JRK: variants seen among roughly 807,000 people sequenced by gnomAD.
JRK encodes jerky protein homolog.
For synonymous variants in JRK, 303 were observed against 218.1 expected (o/e 1.39, Z -3.43); for missense variants, 720 against 509.2 (o/e 1.41, Z -3.98).
rs782489447 is a variant in JRK, at chr8:142,665,922, T to C, written c.137A>G (p.Asn46Ser). Residue 46 changes from asparagine to serine, a missense_variant, in exon 2 of 2, where the codon AAT (asparagine) becomes AGT (serine). Coordinates refer to ENST00000612905, the MANE Select transcript of JRK (RefSeq NM_003724.4). ...ESRKALMQEY[N>S]VGMSTLYDIR... ...GTCGTAGAGGGTGGACATGCCCACA[T>C]TGTACTCCTGCATCAGTGCCTTCCG... 1.8e-5 allele frequency: 15 copies of C among 811,398 alleles called. No individual in the cohort carries two copies. The highest frequency in any genetic ancestry group is 1.7e-4 in the African/African-American group (10 of 59,664). The allele number at this position is 811,398 out of a possible 1,614,324, so 50.3% of individuals were successfully genotyped here. A position where few individuals can be genotyped will look rare whatever the true frequency, so the allele number is the denominator to read the frequency against.
intron 1 of JRK, among the ~76,000 whole-genome samples, chr8:142,667,400 C>T (rs902666858): frequency 4.6e-5 from 7 of 151,808 alleles, no homozygotes; most frequent in East Asian, 3.9e-4. Context: ...ACGGCAGGGC[C>T]GCAGAGCCTG....
Position 142,660,138 on chromosome 8 carries a change from G to C in JRK, c.*4214C>G. 1.0e-6 allele frequency: 1 copy of C among 985,508 alleles called. No homozygotes were observed. Among genetic ancestry groups the C allele is most frequent in the Non-Finnish European group, 1.2e-6 (1 of 830,038 alleles). The allele number at this position is 985,508 out of a possible 1,614,324, so 61.0% of individuals were successfully genotyped here. A position where few individuals can be genotyped will look rare whatever the true frequency, so the allele number is the denominator to read the frequency against. ...GGAAGAGGACAAACAAGGTCTCACA[G>C]GTCCATTCTCCCCAGCCTCCCAGTA... On this transcript the variant is annotated 3_prime_UTR_variant, in exon 2 of 2. Transcript: ENST00000612905.
rs781858612 is a variant in JRK at position 142,664,735 on chromosome 8, C to T, written c.1324G>A (p.Val442Ile). The T allele has an allele frequency of 4.1e-5, 66 of 1,599,544 alleles. No individual in the cohort carries two copies. The highest frequency in any genetic ancestry group is 2.9e-4 in the Admixed American group (17 of 57,988). ...CCCCCTTCTGCCTCCCTTCCCGCTA[C>T]CCCCCAGCTGGCGGCCTGGCGCTGG... ...LRQRQAASWGVAGREAEGGRP... is the reference protein window; with the variant it reads ...LRQRQAASWGIAGREAEGGRP... The change falls in exon 2 of 2, where the codon GTA becomes ATA. Residue 442 changes from valine (V) to isoleucine (I), a missense_variant. Coordinates refer to ENST00000612905, the MANE Select transcript of JRK (RefSeq NM_003724.4).
rs782178126 is a variant in JRK, at chr8:142,664,935, C to T, written c.1124G>A (p.Ser375Asn). The T allele has an allele frequency of 4.6e-6, 4 of 862,910 alleles. No homozygotes were observed. The South Asian group carries it at 5.4e-5, about 12-fold the overall frequency. 53.5% of individuals were successfully genotyped at this position (862,910 alleles called of 1,614,324 possible). ...SVACAWNAVP[S>N]HVFRRAWRKL... Reference sequence around the variant, plus strand: ...CCTCCAGGCCCGCCTGAAGACGTGGCTAGGGACTGCGTTCCAGGCACAGGC... The same window carrying T: ...CCTCCAGGCCCGCCTGAAGACGTGGTTAGGGACTGCGTTCCAGGCACAGGC... Residue 375 changes from serine (S) to asparagine (N), a missense_variant, in exon 2 of 2, where the codon AGC becomes AAC. Physicochemically the swap from Ser to Asn is conservative, Grantham distance 46. Transcript: ENST00000612905.
the JRK span, among the ~76,000 whole-genome samples, chr8:142,646,876 C>A: frequency 6.6e-6 from 1 of 152,152 alleles, no homozygotes; most frequent in Non-Finnish European, 1.5e-5. Context: ...ATTCCTAAGA[C>A]CTCCTTTTTT....
rs587620163 is a variant in JRK at position 142,659,468 on chromosome 8, G to A, written c.*4884C>T. 14 of 986,564 alleles carry A rather than the reference G, an allele frequency of 1.4e-5. No individual in the cohort carries two copies. In the South Asian group the frequency reaches 6.6e-4, roughly 46 times the overall value. 61.1% of individuals were successfully genotyped at this position (986,564 alleles called of 1,614,324 possible). A position where few individuals can be genotyped will look rare whatever the true frequency, so the allele number is the denominator to read the frequency against. Reference sequence around the variant, plus strand: ...AGCTTGCTTCCCAGCCAGCCTGGGTGTGGAAATGGCCGTGCTGACAGGCTC... The same window carrying A: ...AGCTTGCTTCCCAGCCAGCCTGGGTATGGAAATGGCCGTGCTGACAGGCTC... On this transcript the variant is annotated 3_prime_UTR_variant, in exon 2 of 2. Transcript: ENST00000612905.
Position 142,664,274 on chromosome 8 carries a change from G to A in JRK, c.*78C>T. The A allele has an allele frequency of 2.1e-6, 3 of 1,461,076 alleles. No individual in the cohort carries two copies. The South Asian group carries it at 4.4e-5, about 22-fold the overall frequency. 90.5% of individuals were successfully genotyped at this position (1,461,076 alleles called of 1,614,324 possible). ...TGCACATGCCCTCCTGCCTCAGGTG[G>A]GGTCGGGGCACAGGACCATGCCACT... On this transcript the variant is annotated 3_prime_UTR_variant, in exon 2 of 2. Transcript: ENST00000612905.
In JRK at chr8:142,665,750, C is replaced by A; in HGVS notation, c.309G>T (p.Glu103Asp). ...GCATGGGGCCTGACACGGGGACGCC[C>A]TCGGAGCGCTTCCCCAGGAACCACT... ...LYEWFLGKRS[E>D]GVPVSGPMLI... Residue 103 changes from glutamate to aspartate, a missense_variant, in exon 2 of 2, where the codon GAG (glutamate) becomes GAT (aspartate). Transcript: ENST00000612905. The A allele has an allele frequency of 1.3e-6, 1 of 774,564 alleles. No homozygotes were observed. The allele number at this position is 774,564 out of a possible 1,614,324, so 48.0% of individuals were successfully genotyped here. A position where few individuals can be genotyped will look rare whatever the true frequency, so the allele number is the denominator to read the frequency against.
In JRK at chr8:142,665,032, A is replaced by T. The variant is rs1554635486; in HGVS notation, c.1027T>A (p.Phe343Ile). The change falls in exon 2 of 2, where the codon TTC becomes ATC. Residue 343 changes from phenylalanine to isoleucine, a missense_variant. Phe to Ile is a conservative substitution (Grantham distance 21, BLOSUM62 0). Coordinates refer to ENST00000612905, the MANE Select transcript of JRK (RefSeq NM_003724.4). Reference sequence around the variant, plus strand: ...TGCAGGGGGACCGGAGGGTTAATGAAGTTCCTCATGAAATCTCTCCGAATG... The same window carrying T: ...TGCAGGGGGACCGGAGGGTTAATGATGTTCCTCATGAAATCTCTCCGAATG... ...QGIRRDFMRNFINPPVPLQGP... is the reference protein window; with the variant it reads ...QGIRRDFMRNIINPPVPLQGP... 1.4e-6 allele frequency: 1 copy of T among 715,666 alleles called. No homozygotes were observed. The highest frequency in any genetic ancestry group is 2.7e-5 in the East Asian group (1 of 37,192). 44.3% of individuals were successfully genotyped at this position (715,666 alleles called of 1,614,324 possible).
intron 1 of JRK, among the ~76,000 whole-genome samples, chr8:142,667,672 A>G (rs1554636453): frequency 6.6e-6 from 1 of 152,162 alleles, no homozygotes; most frequent in Admixed American, 6.5e-5. Flanking sequence ...CCCTACGAAA[A>G]GCTTGCTTTT....
intron 1 of JRK, among the ~76,000 whole-genome samples, chr8:142,668,887 C>T (rs1253422130): frequency 3.3e-5 from 5 of 151,688 alleles, no homozygotes; most frequent in African/African-American, 9.7e-5. Context: ...ACGCTTTTCC[C>T]GGCATCCCAG....
chr8:142,654,633 G>T (rs1846716962), downstream of JRK, among the ~76,000 whole-genome samples: 1 of 93,004 alleles, frequency 1.1e-5, no homozygotes, highest in Admixed American at 1.3e-4. Context: ...CTCCCTGGCT[G>T]GCTCAGCTCT....
rs1398933309 is a variant in JRK, at chr8:142,666,043, C to T, written c.16G>A (p.Ala6Thr). The change falls in exon 2 of 2, where the codon GCT becomes ACT. Residue 6 changes from alanine to threonine, a missense_variant. Ala to Thr is a moderately conservative substitution (Grantham distance 58). Coordinates refer to ENST00000612905, the MANE Select transcript of JRK (RefSeq NM_003724.4). ...TTCTCCCCTCTGCTCTTCCCGGCAG[C>T]CGGCTTGGAGGCCATGGGGAGGGGT... MASKP[A>T]AGKSRGEKRK... 6.2e-7 allele frequency: 1 copy of T among 1,603,290 alleles called. No homozygotes were observed. The highest frequency in any genetic ancestry group is 8.5e-7 in the Non-Finnish European group (1 of 1,172,120).
At chr8:142,644,403 T>C in the JRK span, among the ~76,000 whole-genome samples, 1 of 152,144 alleles carries the variant, frequency 6.6e-6, no homozygotes, top group Admixed American at 6.5e-5. Flanking sequence ...TTTCCTATGA[T>C]TTGGGAACAC....
Position 142,659,542 on chromosome 8 carries a change from CT to C in JRK, c.*4809del. 1.0e-6 allele frequency: 1 copy of C among 985,796 alleles called. No individual in the cohort carries two copies. The highest frequency in any genetic ancestry group is 1.2e-6 in the Non-Finnish European group (1 of 830,188). 61.1% of individuals were successfully genotyped at this position (985,796 alleles called of 1,614,324 possible). Reference sequence around the variant, plus strand: ...CCAGTGGGCCTCCCACAATCTGCCCCTGGGTGCAGGGCCTTGAGCAGGGAGG... The same window carrying C: ...CCAGTGGGCCTCCCACAATCTGCCCCGGGTGCAGGGCCTTGAGCAGGGAGG... On this transcript the variant is annotated 3_prime_UTR_variant, in exon 2 of 2. Transcript: ENST00000612905.
In JRK at chr8:142,664,030, C is replaced by A; in HGVS notation, c.*322G>T. 8.7e-7 allele frequency: 1 copy of A among 1,151,950 alleles called. No individual in the cohort carries two copies. Among genetic ancestry groups the A allele is most frequent in the South Asian group, 4.0e-5 (1 of 24,832 alleles). 71.4% of individuals were successfully genotyped at this position (1,151,950 alleles called of 1,614,324 possible). On this transcript the variant is annotated 3_prime_UTR_variant, in exon 2 of 2. Transcript: ENST00000612905. ...TACTGCAATGATCAGCCAGCGAACA[C>A]GAGACCAGATCGGCTCAGCCTGGCC...
At chr8:142,647,881 CT>C in the JRK span, among the ~76,000 whole-genome samples, 5 of 152,350 alleles carry the variant, frequency 3.3e-5, 1 homozygote, top group South Asian at 1.0e-3. Flanking sequence ...TTCCTAGACA[CT>C]TGCTGAATGG....
Position 142,664,623 on chromosome 8 carries a change from G to T in JRK, c.1436C>A (p.Pro479His), listed in dbSNP as rs782003025. ...PKADQDGRGD[P>H]GEGEEVAWEQ... ...CCAGGCCACCTCCTCGCCCTCACCA[G>T]GATCTCCTCTGCCGTCCTGGTCAGC... The change falls in exon 2 of 2, where the codon CCT becomes CAT. Residue 479 changes from proline (P) to histidine (H), a missense_variant. Physicochemically the swap from Pro to His is moderately conservative, Grantham distance 77. Coordinates refer to ENST00000612905, the MANE Select transcript of JRK (RefSeq NM_003724.4). 1.2e-6 allele frequency: 2 copies of T among 1,610,834 alleles called. No individual in the cohort carries two copies. The highest frequency in any genetic ancestry group is 1.7e-6 in the Non-Finnish European group (2 of 1,179,336).
chr8:142,666,172 C>T lies in JRK; in HGVS notation c.-114G>A. The T allele has an allele frequency of 6.5e-7, 1 of 1,532,582 alleles. No homozygotes were observed. The highest frequency in any genetic ancestry group is 8.8e-7 in the Non-Finnish European group (1 of 1,134,142). The allele number at this position is 1,532,582 out of a possible 1,614,324, so 94.9% of individuals were successfully genotyped here. A position where few individuals can be genotyped will look rare whatever the true frequency, so the allele number is the denominator to read the frequency against. On this transcript the variant is annotated 5_prime_UTR_variant, in exon 2 of 2. Coordinates refer to ENST00000612905, the MANE Select transcript of JRK (RefSeq NM_003724.4). ...GGGGCTCCGTCTCTCCCTCTCCACT[C>T]TGCCTGCCTGCTCTGCTGATCCTGA...
Sources: allele counts gnomAD v4.1 joint callset (sites outside exome capture counted in the v4.1 genomes callset), GRCh38; gene constraint gnomAD v4.1.1; transcripts MANE v1.5; gene names NCBI Gene and HGNC (gene_info 2026-07-23, HGNC 2026-07-21).